The following ABTB2 variants were observed in gnomAD, a reference collection of about 807,000 sequenced individuals.
ABTB2 encodes the protein ankyrin repeat and BTB/POZ domain-containing protein 2.
Under a neutral mutation model 104.1 loss-of-function variants are expected in ABTB2, and 56 were observed. The observed-to-expected ratio is 0.54, with a 90% confidence interval of 0.43 to 0.67. ABTB2 has a LOEUF of 0.67. Among genes scored for constraint, ABTB2 ranks in the 30% least tolerant of loss-of-function variants. ABTB2 has a pLI of 0.00. For missense variants in ABTB2, 1,279 were observed against 1,407.7 expected, an observed-to-expected ratio of 0.91 and a Z score of 1.46; for synonymous variants, 606 against 608.2, an observed-to-expected ratio of 1.00 and a Z score of 0.05.
chr11:34,160,308 A>G lies in ABTB2; in HGVS notation c.2443T>C (p.Tyr815His). 6.2e-7 allele frequency: 1 copy of G among 1,614,124 alleles called. No individual in the cohort carries two copies. The highest frequency in any genetic ancestry group is 8.5e-7 in the Non-Finnish European group (1 of 1,180,020). ...QQLATIFTHCYGSSPIPSIPE... is the reference protein window; with the variant it reads ...QQLATIFTHCHGSSPIPSIPE... ...ATGCTGGGGATGGGACTGCTGCCAT[A>G]GCAGTGGGTGAAGATGGTAGCCAGT... The change falls in exon 12 of 17, where the codon TAT becomes CAT. Residue 815 changes from tyrosine to histidine, a missense_variant. Transcript: ENST00000435224.
intron 8 of ABTB2, 22 bp downstream of exon 8, chr11:34,165,238 C>T: frequency 6.5e-7 from 1 of 1,536,112 alleles, no homozygotes; most frequent in Non-Finnish European, 8.8e-7. Flanking sequence ...GTAGACAGAG[C>T]CTCCGGGTAG....
chr11:34,170,815 C>T (rs878904508), intron 5 of ABTB2, 91 bp downstream of exon 5: 1 of 1,486,316 alleles, frequency 6.7e-7, no homozygotes, highest in Non-Finnish European at 9.1e-7. Context: ...GAGCAAATCT[C>T]AGGGTTAGGA....
intron 1 of ABTB2, among the ~76,000 whole-genome samples, chr11:34,306,982 T>TTAA (rs1854783467): frequency 1.1e-5 from 1 of 94,570 alleles, no homozygotes; most frequent in African/African-American, 4.0e-5. Context: ...TCAGGAAACT[T>TTAA]AAAAAAAAAA....
chr11:34,158,452 G>T (rs1852660661), intron 14 of ABTB2, among the ~76,000 whole-genome samples: 1 of 152,132 alleles, frequency 6.6e-6, no homozygotes, highest in South Asian at 2.1e-4. Context: ...GGCCCCATGT[G>T]CTTCTGTGAG....
Position 34,160,296 on chromosome 11 carries a change from G to T in ABTB2, c.2455C>A (p.Pro819Thr). The change falls in exon 12 of 17, where the codon CCC becomes ACC. Residue 819 changes from proline (P) to threonine (T), a missense_variant. Transcript: ENST00000435224. ...TIFTHCYGSS[P>T]IPSIPEIRKT... ...CGGATCTCTGGGATGCTGGGGATGG[G>T]ACTGCTGCCATAGCAGTGGGTGAAG... 2 of 1,614,190 alleles carry T rather than the reference G, an allele frequency of 1.2e-6. No individual in the cohort carries two copies. Among genetic ancestry groups the T allele is most frequent in the South Asian group, 2.2e-5 (2 of 91,082 alleles).
intron 1 of ABTB2, chr11:34,242,431 C>G (rs113571931): frequency 6.6e-6 from 1 of 152,378 alleles, no homozygotes; most frequent in African/African-American, 2.4e-5. Flanking sequence ...GTATCTGACA[C>G]GCAGCCACAG....
chr11:34,321,679 C>G lies in ABTB2; in HGVS notation c.883+35022G>C, dbSNP rs568799312. Among the ~76,000 whole-genome samples, 5 of 152,346 alleles carry G rather than the reference C, an allele frequency of 3.3e-5. No individual in the cohort carries two copies. In the East Asian group the frequency reaches 9.7e-4, roughly 29 times the overall value. ...TCCTTTCTCCCACCTTGGCCTGCAT[C>G]AAGATGTTGGGTTTTGCCTGATTTT... On this transcript the variant is annotated intron_variant, in intron 1 of 16. Transcript: ENST00000435224.
chr11:34,211,131 C>T (rs750524312), intron 1 of ABTB2, among the ~76,000 whole-genome samples: 6 of 152,134 alleles, frequency 3.9e-5, no homozygotes, highest in East Asian at 3.9e-4. Flanking sequence ...TGTTTTGAGA[C>T]GAGGTTTTAT....
chr11:34,295,928 T>C lies in ABTB2; in HGVS notation c.883+60773A>G, dbSNP rs147433254. Among the ~76,000 whole-genome samples, 1,212 of 151,826 alleles carry C rather than the reference T, an allele frequency of 8.0e-3. 11 individuals carry two copies. Among genetic ancestry groups the C allele is most frequent in the Non-Finnish European group, 0.014 (936 of 67,740 alleles). On this transcript the variant is annotated intron_variant, in intron 1 of 16. Coordinates refer to ENST00000435224, the MANE Select transcript of ABTB2 (RefSeq NM_145804.3). Reference sequence around the variant, plus strand: ...GGTCCTATCTCCAAACACCATCACATTGGGGGTGATATAAGCATTCAGTCC... The same window carrying C: ...GGTCCTATCTCCAAACACCATCACACTGGGGGTGATATAAGCATTCAGTCC...
At chr11:34,281,533 T>C (rs1564922682) in intron 1 of ABTB2, among the ~76,000 whole-genome samples, 1 of 152,208 alleles carries the variant, frequency 6.6e-6, no homozygotes. Flanking sequence ...GTGCCAACCA[T>C]GCTCTGAAAT....
chr11:34,225,710 G>C (rs896212371), intron 1 of ABTB2, among the ~76,000 whole-genome samples: 1 of 152,060 alleles, frequency 6.6e-6, no homozygotes, highest in Non-Finnish European at 1.5e-5. Context: ...AACCGAGATC[G>C]CGCCATTGCA....
chr11:34,275,933 G>C (rs373109593), intron 1 of ABTB2, among the ~76,000 whole-genome samples: 1 of 152,206 alleles, frequency 6.6e-6, no homozygotes, highest in Non-Finnish European at 1.5e-5. Flanking sequence ...CGTCCTGGAA[G>C]TCACACAACA....
chr11:34,322,573 T>C (rs556853816), intron 1 of ABTB2, among the ~76,000 whole-genome samples: 8 of 151,924 alleles, frequency 5.3e-5, no homozygotes, highest in Admixed American at 5.2e-4. Flanking sequence ...AGACTCCATC[T>C]CAAATAAATA....
intron 14 of ABTB2, among the ~76,000 whole-genome samples, chr11:34,156,744 G>A (rs752241837): frequency 8.5e-5 from 13 of 152,048 alleles, no homozygotes; most frequent in African/African-American, 1.4e-4. Flanking sequence ...GGCTGGTCTC[G>A]AACTCCCAAC....
chr11:34,261,913 T>C (rs1393829727), intron 1 of ABTB2, among the ~76,000 whole-genome samples: 1 of 152,152 alleles, frequency 6.6e-6, no homozygotes, highest in Non-Finnish European at 1.5e-5. Context: ...CTGCAGCTTG[T>C]GGCTGCCAGC....
Position 34,315,640 on chromosome 11 carries a change from C to T in ABTB2, c.883+41061G>A, listed in dbSNP as rs568728464. On this transcript the variant is annotated intron_variant, in intron 1 of 16. Transcript: ENST00000435224. ...TGCCCCAATCATAGCTCACCCTCGG[C>T]GCTGAGCAGACATGGGCAGGGAGAG... 1.2e-3 allele frequency among the ~76,000 whole-genome samples: 179 copies of T among 152,340 alleles called. 1 individual carries two copies. Among genetic ancestry groups the T allele is most frequent in the Middle Eastern group, 6.8e-3 (2 of 294 alleles).
At chr11:34,249,234 A>C (rs1483270884) in intron 1 of ABTB2, among the ~76,000 whole-genome samples, 1 of 152,204 alleles carries the variant, frequency 6.6e-6, no homozygotes, top group Non-Finnish European at 1.5e-5. Context: ...GGTCAATGGG[A>C]CCACCACTGA....
intron 1 of ABTB2, among the ~76,000 whole-genome samples, chr11:34,253,033 G>A (rs1291982486): frequency 6.6e-6 from 1 of 152,172 alleles, no homozygotes; most frequent in Non-Finnish European, 1.5e-5. Context: ...CTCCACCTGG[G>A]AAAGGCTCAG....
intron 1 of ABTB2, among the ~76,000 whole-genome samples, chr11:34,221,967 C>A (rs1401644687): frequency 6.6e-6 from 1 of 152,118 alleles, no homozygotes; most frequent in Non-Finnish European, 1.5e-5. Flanking sequence ...ATAGCTTGAA[C>A]CTGGGAGGCG....
Sources: allele counts gnomAD v4.1 joint callset (sites outside exome capture counted in the v4.1 genomes callset), GRCh38; gene constraint gnomAD v4.1.1; transcripts MANE v1.5; gene names NCBI Gene and HGNC (gene_info 2026-07-23, HGNC 2026-07-21).